The following ASGR2 variants were observed in gnomAD, a reference collection of about 807,000 sequenced individuals.
ASGR2 encodes the protein C-type lectin domain family 4 member H2.
A neutral mutation model predicts 32.3 loss-of-function variants in ASGR2; 34 were observed. The observed-to-expected ratio is 1.05, with a 90% confidence interval of 0.80 to 1.40. The LOEUF (loss-of-function observed/expected upper bound fraction) is 1.40, where lower values mean the gene tolerates loss of function less well. Among genes scored for constraint, ASGR2 ranks in the 40% most tolerant of loss-of-function variants. ASGR2 has a pLI of 0.00. For synonymous variants in ASGR2, 143 were observed against 150.0 expected (o/e 0.95, Z 0.34); for missense variants, 385 against 386.4 (o/e 1.00, Z 0.03).
rs1334480745 is a variant in ASGR2, at chr17:7,113,640, C to T, written c.124+477G>A. ...ACACATGCACAAGATACACACACAACACACAACATACACTCACACACAAGA... is the reference window on the plus strand; with the variant it reads ...ACACATGCACAAGATACACACACAATACACAACATACACTCACACACAAGA... On this transcript the variant is annotated intron_variant, in intron 2 of 8. Coordinates refer to ENST00000691900, the MANE Select transcript of ASGR2 (RefSeq NM_001201352.2). This position sits in a 1 kb window ranked among gnomAD's most constrained non-coding sequence, Gnocchi z 5.1. Among the ~76,000 whole-genome samples the T allele has an allele frequency of 6.6e-6, 1 of 151,824 alleles. No individual in the cohort carries two copies. The highest frequency in any genetic ancestry group is 1.5e-5 in the Non-Finnish European group (1 of 67,950).
At position 7,108,304 on chromosome 17, in the gene ASGR2, C is replaced by T. The variant is rs1049083509; in HGVS notation, c.337+158G>A. Reference sequence around the variant, plus strand: ...CTCTCCACCTGGCACTAACCTCGTCCGTCCCCACCTGCCTCCCTCCTATAC... The same window carrying T: ...CTCTCCACCTGGCACTAACCTCGTCTGTCCCCACCTGCCTCCCTCCTATAC... On this transcript the variant is annotated intron_variant, in intron 4 of 8. Coordinates refer to ENST00000691900, the MANE Select transcript of ASGR2 (RefSeq NM_001201352.2). The surrounding 1 kb of genome is among the most constrained non-coding windows in gnomAD (Gnocchi z 4.9). 6.6e-6 allele frequency among the ~76,000 whole-genome samples: 1 copy of T among 152,018 alleles called. No individual in the cohort carries two copies. Among genetic ancestry groups the T allele is most frequent in the Admixed American group, 6.6e-5 (1 of 15,262 alleles).
chr17:7,107,488 C>G lies in ASGR2; in HGVS notation c.410-171G>C. Reference sequence around the variant, plus strand: ...ACATGTACACCACACATAGACCACACCACACACAGATCCATCACACACACA... The same window carrying G: ...ACATGTACACCACACATAGACCACAGCACACACAGATCCATCACACACACA... On this transcript the variant is annotated intron_variant, in intron 5 of 8. Coordinates refer to ENST00000691900, the MANE Select transcript of ASGR2 (RefSeq NM_001201352.2). The surrounding 1 kb of genome is among the most constrained non-coding windows in gnomAD (Gnocchi z 5.0). 1 of 694,874 alleles carries G rather than the reference C, an allele frequency of 1.4e-6. No homozygotes were observed. Among genetic ancestry groups the G allele is most frequent in the Non-Finnish European group, 2.5e-6 (1 of 406,134 alleles). The allele number at this position is 694,874 out of a possible 1,614,324, so 43.0% of individuals were successfully genotyped here. A position where few individuals can be genotyped will look rare whatever the true frequency, so the allele number is the denominator to read the frequency against.
In ASGR2 at chr17:7,107,768, T is replaced by TACACATGCACGCACCGC. The variant is rs374528068; in HGVS notation, c.409+67_409+68insGCGGTGCGTGCATGTGT. 2.1e-6 allele frequency: 2 copies of TACACATGCACGCACCGC among 944,214 alleles called. No individual in the cohort carries two copies. The highest frequency in any genetic ancestry group is 3.9e-5 in the African/African-American group (2 of 51,010). The allele number at this position is 944,214 out of a possible 1,614,324, so 58.5% of individuals were successfully genotyped here. On this transcript the variant is annotated intron_variant, in intron 5 of 8. Transcript: ENST00000691900. The surrounding 1 kb of genome is among the most constrained non-coding windows in gnomAD (Gnocchi z 5.0). ...GTGCACACTACACACACCGCACACG[T>TACACATGCACGCACCGC]ACACACTACACACACCGCACACGTA...
At chr17:7,103,233 G>A (rs751994219) in intron 7 of ASGR2, among the ~76,000 whole-genome samples, 7 of 152,220 alleles carry the variant, frequency 4.6e-5, no homozygotes, top group Non-Finnish European at 8.8e-5. Flanking sequence ...TAAGGTTGCA[G>A]TTATTCACCT....
At chr17:7,109,813 TACTC>T (rs1914392222) in intron 2 of ASGR2, among the ~76,000 whole-genome samples, 1 of 151,830 alleles carries the variant, frequency 6.6e-6, no homozygotes, top group South Asian at 2.1e-4. Context: ...CACACATTCA[TACTC>T]CCTCCCACAC....
chr17:7,108,334 C>T lies in ASGR2; in HGVS notation c.337+128G>A. The T allele has an allele frequency of 1.0e-6, 1 of 984,144 alleles. No homozygotes were observed. The highest frequency in any genetic ancestry group is 2.4e-5 in the Admixed American group (1 of 41,610). 61.0% of individuals were successfully genotyped at this position (984,144 alleles called of 1,614,324 possible). A position where few individuals can be genotyped will look rare whatever the true frequency, so the allele number is the denominator to read the frequency against. On this transcript the variant is annotated intron_variant, in intron 4 of 8. Transcript: ENST00000691900. The surrounding 1 kb of genome is among the most constrained non-coding windows in gnomAD (Gnocchi z 4.9). Reference sequence around the variant, plus strand: ...CCACCTGCCTCCCTCCTATACATCCCCCAGGGCCCCTGGACGCCTTGCCCA... The same window carrying T: ...CCACCTGCCTCCCTCCTATACATCCTCCAGGGCCCCTGGACGCCTTGCCCA...
rs956592111 is a variant in ASGR2, at chr17:7,106,319, C to T, written c.648+681G>A. On this transcript the variant is annotated intron_variant, in intron 7 of 8. Transcript: ENST00000691900. Reference sequence around the variant, plus strand: ...TCAAGGCAAAAAGCATTAACTGGGACACACGTTGGCTTCATAGTGACGAAA... The same window carrying T: ...TCAAGGCAAAAAGCATTAACTGGGATACACGTTGGCTTCATAGTGACGAAA... Among the ~76,000 whole-genome samples, 7 of 152,174 alleles carry T rather than the reference C, an allele frequency of 4.6e-5. No individual in the cohort carries two copies. In the East Asian group the frequency reaches 1.3e-3, roughly 29 times the overall value.
In ASGR2 at chr17:7,102,189, A is replaced by G. The variant is rs150471603; in HGVS notation, c.656T>C (p.Ile219Thr). 3.8e-4 allele frequency: 616 copies of G among 1,613,934 alleles called. 10 individuals carry two copies. In the East Asian group the frequency reaches 0.012, roughly 31 times the overall value. The stretch of plus-strand genomic sequence containing the variant: ...ATTGAAGGGGTTCGTGTGTTGTACA[A>G]TGAATTTCTGGAAACACAGGCAAAC... ...VINSWEEQKF[I>T]VQHTNPFNTW... The change falls in exon 8 of 9, where the codon ATT (isoleucine) becomes ACT (threonine). Residue 219 changes from isoleucine to threonine, a missense_variant. Physicochemically the swap from Ile to Thr is moderately conservative, Grantham distance 89. Coordinates refer to ENST00000691900, the MANE Select transcript of ASGR2 (RefSeq NM_001201352.2).
Position 7,107,997 on chromosome 17 carries a change from G to A in ASGR2, c.338-90C>T, listed in dbSNP as rs1914084457. 12 of 1,463,346 alleles carry A rather than the reference G, an allele frequency of 8.2e-6. No individual in the cohort carries two copies. Among genetic ancestry groups the A allele is most frequent in the Admixed American group, 1.9e-5 (1 of 52,816 alleles). The allele number at this position is 1,463,346 out of a possible 1,614,324, so 90.6% of individuals were successfully genotyped here. A position where few individuals can be genotyped will look rare whatever the true frequency, so the allele number is the denominator to read the frequency against. Reference sequence around the variant, plus strand: ...CGGGGGCCAGCGCCTCGTCCTGGGCGATGCAGGCGTCCACCTCCTGGCTTC... The same window carrying A: ...CGGGGGCCAGCGCCTCGTCCTGGGCAATGCAGGCGTCCACCTCCTGGCTTC... On this transcript the variant is annotated intron_variant, in intron 4 of 8. Coordinates refer to ENST00000691900, the MANE Select transcript of ASGR2 (RefSeq NM_001201352.2). This position sits in a 1 kb window ranked among gnomAD's most constrained non-coding sequence, Gnocchi z 5.0.
intron 7 of ASGR2, among the ~76,000 whole-genome samples, chr17:7,104,372 C>CAAAAAAAAAA (rs1478649379): frequency 1.2e-5 from 1 of 85,038 alleles, no homozygotes; most frequent in Admixed American, 1.3e-4. Flanking sequence ...AAAAAAAAAG[C>CAAAAAAAAAA]CAGGCGTAGT....
upstream of ASGR2, chr17:7,114,906 G>T: frequency 1.4e-5 from 14 of 985,124 alleles, no homozygotes; most frequent in Non-Finnish European, 1.7e-5. The surrounding 1 kb of genome is among the most constrained non-coding windows in gnomAD (Gnocchi z 4.5). Context: ...TCCCAGAGAG[G>T]GGGGTCCCCT....
intron 7 of ASGR2, among the ~76,000 whole-genome samples, 156 bp from the exon 8 acceptor site, chr17:7,102,352 T>G (rs1912970451): frequency 6.6e-6 from 1 of 152,198 alleles, no homozygotes; most frequent in Non-Finnish European, 1.5e-5. Context: ...TAGCTTTTTC[T>G]TCCGTCACTC....
intron 2 of ASGR2, among the ~76,000 whole-genome samples, chr17:7,110,872 G>A (rs314238): frequency 0.63 from 95,316 of 151,996 alleles, 32,004 homozygotes; most frequent in South Asian, 0.81. Context: ...GGAACCCTCC[G>A]ATCACCCCAG....
intron 7 of ASGR2, among the ~76,000 whole-genome samples, chr17:7,103,746 G>T (rs1437697657): frequency 1.3e-5 from 2 of 152,130 alleles, no homozygotes; most frequent in Non-Finnish European, 2.9e-5. Flanking sequence ...AAGAAGCCTT[G>T]TTTCGGAATA....
chr17:7,107,553 A>T lies in ASGR2; in HGVS notation c.410-236T>A. On this transcript the variant is annotated intron_variant, in intron 5 of 8. Transcript: ENST00000691900. The surrounding 1 kb of genome is among the most constrained non-coding windows in gnomAD (Gnocchi z 5.0). Reference sequence around the variant, plus strand: ...GACACACCACACACATCACATGCGTACACACACATATACCATACCGCACAC... The same window carrying T: ...GACACACCACACACATCACATGCGTTCACACACATATACCATACCGCACAC... 1.6e-6 allele frequency: 1 copy of T among 610,442 alleles called. No individual in the cohort carries two copies. The highest frequency in any genetic ancestry group is 2.9e-6 in the Non-Finnish European group (1 of 346,976). 37.8% of individuals were successfully genotyped at this position (610,442 alleles called of 1,614,324 possible). A position where few individuals can be genotyped will look rare whatever the true frequency, so the allele number is the denominator to read the frequency against.
rs1450883364 is a variant in ASGR2, at chr17:7,112,550, G to A, written c.124+1567C>T. The stretch of plus-strand genomic sequence containing the variant: ...CGTATTCTCTCTGAGTGTTCACTAT[G>A]TACCGGGTGCCGTGTGGGCACTGGA... On this transcript the variant is annotated intron_variant, in intron 2 of 8. Transcript: ENST00000691900. 2.0e-5 allele frequency among the ~76,000 whole-genome samples: 3 copies of A among 152,198 alleles called. No homozygotes were observed. The East Asian group carries it at 5.8e-4, about 29-fold the overall frequency.
At chr17:7,112,223 A>G (rs554406) in intron 2 of ASGR2, among the ~76,000 whole-genome samples, 85,690 of 151,062 alleles carry the variant, frequency 0.57, 24,478 homozygotes, top group Middle Eastern at 0.63. Flanking sequence ...CATAATTGAA[A>G]TCTTTAAAAG....
chr17:7,104,508 C>G (rs1913345649), intron 7 of ASGR2, among the ~76,000 whole-genome samples: 1 of 150,804 alleles, frequency 6.6e-6, no homozygotes, highest in Admixed American at 6.6e-5. Context: ...AAATATTAGC[C>G]AGGCATGGTG....
chr17:7,108,389 C>G lies in ASGR2; in HGVS notation c.337+73G>C. 6.8e-7 allele frequency: 1 copy of G among 1,466,428 alleles called. No homozygotes were observed. Among genetic ancestry groups the G allele is most frequent in the Middle Eastern group, 2.0e-4 (1 of 5,070 alleles). The allele number at this position is 1,466,428 out of a possible 1,614,324, so 90.8% of individuals were successfully genotyped here. A position where few individuals can be genotyped will look rare whatever the true frequency, so the allele number is the denominator to read the frequency against. Reference sequence around the variant, plus strand: ...GCACCCCCACGGCACCCCACACAGCCCTGTTGCAGACTCGGCACTGAGCCC... The same window carrying G: ...GCACCCCCACGGCACCCCACACAGCGCTGTTGCAGACTCGGCACTGAGCCC... On this transcript the variant is annotated intron_variant, in intron 4 of 8. Transcript: ENST00000691900. The surrounding 1 kb of genome is among the most constrained non-coding windows in gnomAD (Gnocchi z 4.9).
Sources: gnomAD v4.1 joint callset for allele counts (sites outside exome capture counted in the v4.1 genomes callset) on GRCh38, gnomAD v4.1.1 for gene constraint, Gnocchi (gnomAD v3.1) non-coding constraint, MANE v1.5 for transcripts, NCBI Gene and HGNC (gene_info 2026-07-23, HGNC 2026-07-21) for gene names.